The following KDM5A variants were observed in gnomAD, a reference collection of about 807,000 sequenced individuals.
KDM5A encodes the protein lysine demethylase 5A.
KDM5A carries 42 observed loss-of-function variants against 193.5 expected under a neutral mutation model. The observed-to-expected ratio is 0.22, with a 90% confidence interval of 0.17 to 0.28. KDM5A has a LOEUF of 0.28. KDM5A is among the 10% of genes least tolerant of loss of function. The pLI, the probability that KDM5A is intolerant of heterozygous loss-of-function variation, is 1.00. For synonymous variants in KDM5A, 796 were observed against 718.1 expected, an observed-to-expected ratio of 1.11 and a Z score of -1.73; for missense variants, 1,692 against 2,055.1, an observed-to-expected ratio of 0.82 and a Z score of 3.42.
chr12:349,272 G>A (rs1455493513), intron 10 of KDM5A, among the ~76,000 whole-genome samples: 2 of 151,252 alleles, frequency 1.3e-5, no homozygotes, highest in East Asian at 1.9e-4. Context: ...CACTGGCCTC[G>A]GCCTCCCAAA....
rs768886738 is a variant in KDM5A at position 389,131 on chromosome 12, C to T, written c.-40G>A. ...GGGGGGGGGGGTCCCCGTGGGGAAC[C>T]GGTGGAGAAAAGCTGGCTGAAGCCC... On this transcript the variant is annotated 5_prime_UTR_variant, in exon 1 of 28. Transcript: ENST00000399788. 1 of 1,583,518 alleles carries T rather than the reference C, an allele frequency of 6.3e-7. No individual in the cohort carries two copies. The highest frequency in any genetic ancestry group is 1.7e-5 in the Admixed American group (1 of 58,868).
At chr12:347,251 C>T (rs372024427) in intron 10 of KDM5A, among the ~76,000 whole-genome samples, 19 of 152,056 alleles carry the variant, frequency 1.2e-4, no homozygotes, top group East Asian at 5.8e-4. Flanking sequence ...CACTGCTCAA[C>T]GAAATAAAAG....
chr12:284,457 T>C lies in KDM5A; in HGVS notation c.*999A>G, dbSNP rs1402937837. 2 of 232,402 alleles carry C rather than the reference T, an allele frequency of 8.6e-6. No homozygotes were observed. The highest frequency in any genetic ancestry group is 1.2e-4 in the East Asian group (2 of 16,466). The allele number at this position is 232,402 out of a possible 1,614,324, so 14.4% of individuals were successfully genotyped here. A position where few individuals can be genotyped will look rare whatever the true frequency, so the allele number is the denominator to read the frequency against. ...GGCCGTAGTTAGAAATCACCAGTGTTGGAAACAGCAGACATTGGGGTCAGG... is the reference window on the plus strand; with the variant it reads ...GGCCGTAGTTAGAAATCACCAGTGTCGGAAACAGCAGACATTGGGGTCAGG... On this transcript the variant is annotated 3_prime_UTR_variant, in exon 28 of 28. Coordinates refer to ENST00000399788, the MANE Select transcript of KDM5A (RefSeq NM_001042603.3).
chr12:332,988 C>T (rs1227708510), intron 12 of KDM5A: 1 of 171,236 alleles, frequency 5.8e-6, no homozygotes, highest in African/African-American at 2.4e-5. Context: ...TTTAACACTC[C>T]CCTTCTTAAT....
chr12:381,087 C>T (rs1326600846), intron 3 of KDM5A, among the ~76,000 whole-genome samples: 8 of 152,118 alleles, frequency 5.3e-5, no homozygotes, highest in Non-Finnish European at 1.0e-4. Flanking sequence ...CTCCACCTCC[C>T]GGGTTCAAGC....
intron 24 of KDM5A, among the ~76,000 whole-genome samples, chr12:301,681 C>A (rs1012160374): frequency 2.0e-5 from 3 of 152,110 alleles, no homozygotes; most frequent in Admixed American, 6.5e-5. Context: ...CTGGCCAGGG[C>A]AATCAGACAG....
intron 10 of KDM5A, among the ~76,000 whole-genome samples, chr12:336,095 A>G (rs1011019040): frequency 1.0e-4 from 15 of 150,576 alleles, no homozygotes; most frequent in Non-Finnish European, 1.9e-4. Flanking sequence ...ATGGTGGCTC[A>G]TGCCTGTAAT....
chr12:381,569 A>G (rs1217602543), intron 3 of KDM5A, among the ~76,000 whole-genome samples: 3 of 146,704 alleles, frequency 2.0e-5, no homozygotes, highest in Admixed American at 6.6e-5. Flanking sequence ...ATAGTTCCCT[A>G]TAAGAAGAAA....
At chr12:295,399 C>T (rs7299335) in intron 26 of KDM5A, among the ~76,000 whole-genome samples, 174 bp downstream of exon 26, 1 of 151,664 alleles carries the variant, frequency 6.6e-6, no homozygotes, top group African/African-American at 2.4e-5. Context: ...GGGAGGGAGG[C>T]AGGGAGGCAG....
At chr12:291,845 C>T (rs950647527) in intron 27 of KDM5A, among the ~76,000 whole-genome samples, 7 of 151,424 alleles carry the variant, frequency 4.6e-5, no homozygotes, top group African/African-American at 1.5e-4. Context: ...ATTTAAAGAA[C>T]GGCCATAAGA....
At chr12:293,792 G>GAA (rs1943335030) in intron 26 of KDM5A, among the ~76,000 whole-genome samples, 1 of 133,576 alleles carries the variant, frequency 7.5e-6, no homozygotes, top group African/African-American at 2.7e-5. Context: ...AAAAAAAGGG[G>GAA]GGGGGGGGGA....
intron 19 of KDM5A, among the ~76,000 whole-genome samples, chr12:316,453 T>C (rs1226688594): frequency 6.6e-6 from 1 of 152,158 alleles, no homozygotes; most frequent in Non-Finnish European, 1.5e-5. Flanking sequence ...GGACTACAAC[T>C]AGGTCAGTGA....
chr12:294,142 G>C (rs555959466), intron 26 of KDM5A, among the ~76,000 whole-genome samples: 7 of 152,114 alleles, frequency 4.6e-5, no homozygotes, highest in East Asian at 1.9e-4. Context: ...AGAATATATA[G>C]TGACTTTGCC....
At position 362,940 on chromosome 12, in the gene KDM5A, AAAAAAGC is replaced by A; in HGVS notation, c.672+16_672+22del. On this transcript the variant is annotated intron_variant, in intron 5 of 27. Transcript: ENST00000399788. ...AGACTACATCTTTATTTAAAAATTT[AAAAAAGC>A]CCAAGACATTGATACCTGAGTCTTC... is the stretch of plus-strand genomic sequence containing the variant. 1 of 1,612,224 alleles carries A rather than the reference AAAAAAGC, an allele frequency of 6.2e-7. No homozygotes were observed. The highest frequency in any genetic ancestry group is 8.5e-7 in the Non-Finnish European group (1 of 1,178,274).
At position 337,467 on chromosome 12, in the gene KDM5A, G is replaced by A. The variant is rs549140493; in HGVS notation, c.1309-3045C>T. Among the ~76,000 whole-genome samples the A allele has an allele frequency of 7.2e-4, 109 of 152,212 alleles. 1 individual carries two copies. Among genetic ancestry groups the A allele is most frequent in the Non-Finnish European group, 1.3e-3 (88 of 68,020 alleles). Reference sequence around the variant, plus strand: ...GAGAGAATATACTAGTCTAGCTGGTGAAAAGGCAGAATGGAAGAGTCATAC... The same window carrying A: ...GAGAGAATATACTAGTCTAGCTGGTAAAAAGGCAGAATGGAAGAGTCATAC... On this transcript the variant is annotated intron_variant, in intron 10 of 27. Coordinates refer to ENST00000399788, the MANE Select transcript of KDM5A (RefSeq NM_001042603.3).
rs371142784 is a variant in KDM5A, at chr12:307,672, C to A, written c.3712G>T (p.Val1238Leu). ...SLLVSLQKLPVRLPEGEALQC... is the reference protein window; with the variant it reads ...SLLVSLQKLPLRLPEGEALQC... ...AGGGCCTCTCCTTCAGGCAACCGTACGGGCAACTTCTGAAGGGATACCAGG... is the reference window on the plus strand; with the variant it reads ...AGGGCCTCTCCTTCAGGCAACCGTAAGGGCAACTTCTGAAGGGATACCAGG... The change falls in exon 23 of 28, where the codon GTA becomes TTA. Residue 1238 changes from valine (V) to leucine (L), a missense_variant. Transcript: ENST00000399788. The surrounding 1 kb of genome is among the most constrained non-coding windows in gnomAD (Gnocchi z 4.3). 2.5e-6 allele frequency: 4 copies of A among 1,614,160 alleles called. No homozygotes were observed. Among genetic ancestry groups the A allele is most frequent in the Admixed American group, 3.3e-5 (2 of 60,022 alleles).
intron 3 of KDM5A, among the ~76,000 whole-genome samples, chr12:373,281 G>A (rs1225935698): frequency 6.6e-6 from 1 of 152,140 alleles, no homozygotes; most frequent in South Asian, 2.1e-4. Context: ...CCTGTTATTG[G>A]TCTATTCAGG....
intron 3 of KDM5A, among the ~76,000 whole-genome samples, chr12:371,442 C>G (rs1179773709): frequency 6.7e-6 from 1 of 149,516 alleles, no homozygotes; most frequent in African/African-American, 2.5e-5. Flanking sequence ...TATCCTTTGC[C>G]CACTTTATGA....
At chr12:378,069 T>C (rs998682351) in intron 3 of KDM5A, among the ~76,000 whole-genome samples, 5 of 152,218 alleles carry the variant, frequency 3.3e-5, no homozygotes, top group Non-Finnish European at 5.9e-5. Context: ...ACACCCATTC[T>C]CTTACACCCA....
Sources: gnomAD v4.1 joint callset for allele counts (sites outside exome capture counted in the v4.1 genomes callset) on GRCh38, gnomAD v4.1.1 for gene constraint, Gnocchi (gnomAD v3.1) non-coding constraint, MANE v1.5 for transcripts, NCBI Gene and HGNC (gene_info 2026-07-23, HGNC 2026-07-21) for gene names.